The following TENM2 variants were observed in gnomAD, a reference collection of about 807,000 sequenced individuals.
TENM2 encodes the protein teneurin transmembrane protein 2.
TENM2 carries 52 observed loss-of-function variants against 245.2 expected under a neutral mutation model. That is an observed-to-expected ratio of 0.21 (90% CI 0.17 to 0.27). The LOEUF (loss-of-function observed/expected upper bound fraction) is 0.27, where lower values mean the gene tolerates loss of function less well. Among genes scored for constraint, TENM2 ranks in the 10% least tolerant of loss-of-function variants. The pLI, the probability that TENM2 is intolerant of heterozygous loss-of-function variation, is 1.00. For synonymous variants in TENM2, 1,363 were observed against 1,438.9 expected, an observed-to-expected ratio of 0.95 and a Z score of 1.19; for missense variants, 3,046 against 3,666.8, an observed-to-expected ratio of 0.83 and a Z score of 4.37.
the TENM2 span, among the ~76,000 whole-genome samples, chr5:167,232,220 CTA>C: frequency 6.6e-6 from 1 of 152,146 alleles, no homozygotes; most frequent in African/African-American, 2.4e-5. Context: ...GGGGCACTGC[CTA>C]GTGGAGCTGT....
chr5:167,517,749 A>T (rs1313751857), intron 2 of TENM2, among the ~76,000 whole-genome samples: 1 of 152,144 alleles, frequency 6.6e-6, no homozygotes, highest in East Asian at 1.9e-4. Context: ...CCTTTACCAG[A>T]TTTGTGCTAT....
chr5:167,029,721 G>A, the TENM2 span, among the ~76,000 whole-genome samples: 2 of 152,142 alleles, frequency 1.3e-5, no homozygotes, highest in Non-Finnish European at 2.9e-5. Flanking sequence ...GTGTGCCAGG[G>A]GCCATGGTCA....
At chr5:168,020,840 C>T (rs1014070526) in intron 5 of TENM2, among the ~76,000 whole-genome samples, 8 of 152,260 alleles carry the variant, frequency 5.3e-5, no homozygotes, top group East Asian at 3.9e-4. Flanking sequence ...AAGTTAGAGC[C>T]GTTACAAGAC....
At chr5:167,857,549 A>G (rs76875573) in intron 2 of TENM2, among the ~76,000 whole-genome samples, 22,412 of 152,082 alleles carry the variant, frequency 0.15, 1,737 homozygotes, top group Middle Eastern at 0.17. Flanking sequence ...TCTCTTTCCT[A>G]TGATCTGGAC....
chr5:167,097,248 G>A, the TENM2 span, among the ~76,000 whole-genome samples: 1 of 152,168 alleles, frequency 6.6e-6, no homozygotes, highest in South Asian at 2.1e-4. Context: ...GCGGGTTGAT[G>A]TGTTAAAAAT....
At chr5:167,243,733 C>T in the TENM2 span, among the ~76,000 whole-genome samples, 2 of 152,090 alleles carry the variant, frequency 1.3e-5, no homozygotes, top group Non-Finnish European at 2.9e-5. Flanking sequence ...CCTCCTAACA[C>T]ATCTCCGTGC....
At chr5:167,124,551 A>T in the TENM2 span, among the ~76,000 whole-genome samples, 1 of 152,130 alleles carries the variant, frequency 6.6e-6, no homozygotes, top group Admixed American at 6.5e-5. Context: ...TATAAAAATG[A>T]GTGTCATTTA....
chr5:167,731,233 G>A (rs1760413427), intron 2 of TENM2, among the ~76,000 whole-genome samples: 1 of 144,640 alleles, frequency 6.9e-6, no homozygotes. Flanking sequence ...AAGGAAAATA[G>A]TTCAATTTTA....
chr5:168,223,624 G>A (rs1261371470), intron 23 of TENM2, among the ~76,000 whole-genome samples: 2 of 151,882 alleles, frequency 1.3e-5, no homozygotes, highest in African/African-American at 2.4e-5. Context: ...ACGGCACTGC[G>A]CCCAGCTAAT....
chr5:167,356,997 G>T (rs1759377853), intron 1 of TENM2, among the ~76,000 whole-genome samples: 1 of 152,128 alleles, frequency 6.6e-6, no homozygotes, highest in East Asian at 1.9e-4. Context: ...AGTATTGTGG[G>T]CCTTATAATA....
chr5:167,923,258 G>A (rs1777507207), intron 3 of TENM2, among the ~76,000 whole-genome samples: 1 of 152,000 alleles, frequency 6.6e-6, no homozygotes, highest in African/African-American at 2.4e-5. Context: ...GGTGGAGGTT[G>A]CAGTGAGCTG....
chr5:167,982,076 G>A (rs770482509), intron 4 of TENM2, among the ~76,000 whole-genome samples: 5 of 151,786 alleles, frequency 3.3e-5, no homozygotes, highest in South Asian at 2.1e-4. Context: ...CCACTGGCCC[G>A]GAACACACTG....
Position 167,634,604 on chromosome 5 carries a change from TTCTC to T in TENM2, c.503-241378_503-241375del, listed in dbSNP as rs1779077606. ...CACATTTTTGATTCATAGTCCAATG[TTCTC>T]TCTGCAGTACCAGCTCCATAAAGAA... On this transcript the variant is annotated intron_variant, in intron 2 of 28. Coordinates refer to ENST00000518659, the Ensembl canonical transcript of TENM2. Among the ~76,000 whole-genome samples the T allele has an allele frequency of 2.6e-5, 4 of 151,998 alleles. 1 individual carries two copies. The highest frequency in any genetic ancestry group is 2.0e-4 in the Admixed American group (3 of 15,264).
At chr5:167,878,168 T>C (rs942612221) in intron 3 of TENM2, among the ~76,000 whole-genome samples, 1 of 152,212 alleles carries the variant, frequency 6.6e-6, no homozygotes, top group African/African-American at 2.4e-5. Flanking sequence ...GTGTATCAGA[T>C]TGAAACTTGT....
At chr5:166,988,546 T>A in the TENM2 span, among the ~76,000 whole-genome samples, 1 of 152,230 alleles carries the variant, frequency 6.6e-6, no homozygotes, top group Non-Finnish European at 1.5e-5. Flanking sequence ...TCTGTGCAAT[T>A]TGAATTATTA....
At chr5:167,362,128 CAT>C (rs1213225804) in intron 1 of TENM2, among the ~76,000 whole-genome samples, 1 of 152,130 alleles carries the variant, frequency 6.6e-6, no homozygotes, top group Non-Finnish European at 1.5e-5. Context: ...TAACCTACGA[CAT>C]GTGTTTGGAA....
the TENM2 span, among the ~76,000 whole-genome samples, chr5:167,049,297 G>A: frequency 6.6e-6 from 1 of 152,182 alleles, no homozygotes; most frequent in Admixed American, 6.5e-5. Flanking sequence ...CGAGTCACGT[G>A]TATGTTTACC....
chr5:167,836,101 T>G (rs1768966309), intron 2 of TENM2, among the ~76,000 whole-genome samples: 1 of 152,214 alleles, frequency 6.6e-6, no homozygotes, highest in Non-Finnish European at 1.5e-5. Flanking sequence ...GATAGCAACG[T>G]TGTTTTTAAG....
rs1483115706 is a variant in TENM2 at position 167,876,071 on chromosome 5, C to T, written c.588C>T (p.Cys196=). ...CCCATAATCCTCCACCAGTTAGCTGCCAGATGCCATTGCTAGACAGCAACA... is the reference window on the plus strand; with the variant it reads ...CCCATAATCCTCCACCAGTTAGCTGTCAGATGCCATTGCTAGACAGCAACA... Residue 196 remains cysteine (C), a synonymous_variant, in exon 3 of 29, where the codon TGC becomes TGT. Coordinates refer to ENST00000518659, the Ensembl canonical transcript of TENM2. 5.2e-6 allele frequency: 8 copies of T among 1,551,314 alleles called. No homozygotes were observed. In the East Asian group the frequency reaches 9.8e-5, roughly 19 times the overall value.
Sources: gnomAD v4.1 joint callset for allele counts (sites outside exome capture counted in the v4.1 genomes callset) on GRCh38, gnomAD v4.1.1 for gene constraint, MANE v1.5 for transcripts, NCBI Gene and HGNC (gene_info 2026-07-23, HGNC 2026-07-21) for gene names.